PLCH2: variants seen among roughly 807,000 people sequenced by gnomAD.
PLCH2 encodes 1-phosphatidylinositol 4,5-bisphosphate phosphodiesterase eta-2.
PLCH2 carries 98 observed loss-of-function variants against 134.7 expected under a neutral mutation model. That is an observed-to-expected ratio of 0.73 (90% CI 0.62 to 0.86). The LOEUF (loss-of-function observed/expected upper bound fraction) is 0.86, where lower values mean the gene tolerates loss of function less well. PLCH2 is among the 40% of genes least tolerant of loss of function. The pLI, the probability that PLCH2 is intolerant of heterozygous loss-of-function variation, is 0.00. For missense variants in PLCH2, 1,994 were observed against 1,986.6 expected (o/e 1.00, Z -0.07); for synonymous variants, 974 against 827.5 (o/e 1.18, Z -3.04).
At position 2,479,914 on chromosome 1, in the gene PLCH2, G is replaced by A. The variant is rs369208976; in HGVS notation, c.452G>A (p.Arg151His). The A allele has an allele frequency of 5.0e-5, 80 of 1,611,074 alleles. No individual in the cohort carries two copies. Among genetic ancestry groups the A allele is most frequent in the Admixed American group, 2.3e-4 (14 of 59,982 alleles). ...GCGCGCACCTGGGTCACTGGCCTGC[G>A]CTACCTCATGGCCGGCATCAGCGAC... ...EVARTWVTGLRYLMAGISDED... is the reference protein window; with the variant it reads ...EVARTWVTGLHYLMAGISDED... Residue 151 changes from arginine to histidine, a missense_variant, in exon 3 of 22, where the codon CGC becomes CAC. Around this residue, in one of 2 missense-constraint regions of PLCH2, gnomAD observed 1,094 missense variants for 1,234.3 expected, o/e 0.89. Transcript: ENST00000378486.
At chr1:2,422,602 A>T (rs1429924451), upstream of PLCH2, among the ~76,000 whole-genome samples, 1 of 152,228 alleles carries the variant, frequency 6.6e-6, no homozygotes, top group Non-Finnish European at 1.5e-5. Flanking sequence ...AAACCGTGCC[A>T]ATGGACTTTT....
At position 2,498,556 on chromosome 1, in the gene PLCH2, C is replaced by T. The variant is rs1643021992; in HGVS notation, c.2258C>T (p.Pro753Leu). 1 of 1,607,262 alleles carries T rather than the reference C, an allele frequency of 6.2e-7. No homozygotes were observed. The highest frequency in any genetic ancestry group is 1.7e-5 in the Admixed American group (1 of 59,666). Residue 753 changes from proline to leucine, a missense_variant, in exon 17 of 22, where the codon CCC becomes CTC. Transcript: ENST00000378486. The surrounding 1 kb of genome is among the most constrained non-coding windows in gnomAD (Gnocchi z 5.4). ...AACCCCAACTCGGAGGACCCCCTGCCCGGGCAGCTCAAGAAGCAGCTGGTG... is the reference window on the plus strand; with the variant it reads ...AACCCCAACTCGGAGGACCCCCTGCTCGGGCAGCTCAAGAAGCAGCTGGTG... ...VFNPNSEDPL[P>L]GQLKKQLVLR... is the part of the protein sequence containing the mutation.
chr1:2,436,060 C>A (rs1437476503), intron 2 of PLCH2, among the ~76,000 whole-genome samples: 2 of 122,768 alleles, frequency 1.6e-5, no homozygotes, highest in Non-Finnish European at 3.5e-5. Context: ...CTCCTTCCTC[C>A]CCTCCTCCCT....
intron 2 of PLCH2, among the ~76,000 whole-genome samples, chr1:2,455,898 G>T (rs377376124): frequency 4.6e-5 from 7 of 152,358 alleles, no homozygotes; most frequent in African/African-American, 1.7e-4. Context: ...CCCGCGGGCG[G>T]GCTGTGTGCG....
rs71511348 is a variant in PLCH2, at chr1:2,459,610, C to T, written c.116-18866C>T. On this transcript the variant is annotated intron_variant, in intron 2 of 3. Coordinates refer to the PLCH2 transcript ENST00000609981. ...CCGGTGGTCTTCCTTTCCGGTGGTCCTCCTTGCCTGTGGTCCTCCTTGCCT... is the reference window on the plus strand; with the variant it reads ...CCGGTGGTCTTCCTTTCCGGTGGTCTTCCTTGCCTGTGGTCCTCCTTGCCT... Among the ~76,000 whole-genome samples the T allele has an allele frequency of 7.1e-4, 75 of 105,220 alleles. 3 individuals carry two copies. Among genetic ancestry groups the T allele is most frequent in the East Asian group, 1.6e-3 (4 of 2,434 alleles). 69.0% of individuals were successfully genotyped at this position (105,220 alleles called of 152,430 possible).
chr1:2,476,309 T>G lies in PLCH2; in HGVS notation c.-280T>G, dbSNP rs1641613566. 1 of 356,262 alleles carries G rather than the reference T, an allele frequency of 2.8e-6. No homozygotes were observed. Among genetic ancestry groups the G allele is most frequent in the Non-Finnish European group, 5.0e-6 (1 of 198,436 alleles). 22.1% of individuals were successfully genotyped at this position (356,262 alleles called of 1,614,324 possible). A position where few individuals can be genotyped will look rare whatever the true frequency, so the allele number is the denominator to read the frequency against. On this transcript the variant is annotated 5_prime_UTR_variant, in exon 1 of 22. Transcript: ENST00000378486. ...CTGAGGTCCTTTGCTCCCCCAGCCT[T>G]GGGAGGCGGCTGCGTCAGGGATTCC...
rs575510996 is a variant in PLCH2, at chr1:2,461,441, G to A, written c.116-17035G>A. Among the ~76,000 whole-genome samples, 31 of 152,290 alleles carry A rather than the reference G, an allele frequency of 2.0e-4. 1 individual carries two copies. The East Asian group carries it at 5.0e-3, about 25-fold the overall frequency. ...GCTGCTAGCAGGGCGGGCTGAGCTC[G>A]GTCCATGTGGGACCTGGCCCCTGGG... is the stretch of plus-strand genomic sequence containing the variant. On this transcript the variant is annotated intron_variant, in intron 2 of 3. Transcript: ENST00000609981.
At position 2,454,072 on chromosome 1, in the gene PLCH2, C is replaced by T. The variant is rs1369594538; in HGVS notation, c.115+23443C>T. Among the ~76,000 whole-genome samples, 7 of 152,340 alleles carry T rather than the reference C, an allele frequency of 4.6e-5. No individual in the cohort carries two copies. In the East Asian group the frequency reaches 9.6e-4, roughly 21 times the overall value. On this transcript the variant is annotated intron_variant, in intron 2 of 3. Coordinates refer to the PLCH2 transcript ENST00000609981. ...CCACCCCCACCCCGAGTCTGTCACC[C>T]ACCTATGGGTGCCCACTGTGGGCAT... is the stretch of plus-strand genomic sequence containing the variant.
At chr1:2,495,062 C>T in intron 12 of PLCH2, 114 bp downstream of exon 12, 1 of 736,494 alleles carries the variant, frequency 1.4e-6, no homozygotes, top group Non-Finnish European at 2.2e-6. Flanking sequence ...CTCCCAGTGC[C>T]CCAGTGGGCC....
At position 2,448,295 on chromosome 1, in the gene PLCH2, G is replaced by T. The variant is rs1477291562; in HGVS notation, c.115+17666G>T. On this transcript the variant is annotated intron_variant, in intron 2 of 3. Coordinates refer to the PLCH2 transcript ENST00000609981. The surrounding 1 kb of genome is among the most constrained non-coding windows in gnomAD (Gnocchi z 4.0). ...CTGGAGGCTGGAAGTCTGAGGTCAG[G>T]GTGTGGGTGGGGCCGCGCTCCCTCT... 4.6e-5 allele frequency among the ~76,000 whole-genome samples: 7 copies of T among 152,162 alleles called. No individual in the cohort carries two copies. Among genetic ancestry groups the T allele is most frequent in the Non-Finnish European group, 1.5e-5 (1 of 68,024 alleles).
the PLCH2 span, among the ~76,000 whole-genome samples, chr1:2,416,899 C>T: frequency 6.6e-6 from 1 of 152,112 alleles, no homozygotes; most frequent in Admixed American, 6.5e-5. Flanking sequence ...CCTGGCAGAA[C>T]TGTGGGTCTG....
At chr1:2,474,901 C>A (rs899739667), upstream of PLCH2, among the ~76,000 whole-genome samples, 1 of 152,178 alleles carries the variant, frequency 6.6e-6, no homozygotes, top group Non-Finnish European at 1.5e-5. Flanking sequence ...CTGCCCCTTA[C>A]ACGGTGGCCT....
chr1:2,464,955 G>A (rs910952047), upstream of PLCH2, among the ~76,000 whole-genome samples: 16 of 152,204 alleles, frequency 1.1e-4, no homozygotes, highest in Non-Finnish European at 1.5e-4. Context: ...GGCTCAGCAG[G>A]CCCTGAGGCT....
Position 2,504,136 on chromosome 1 carries a change from G to T in PLCH2, c.3174G>T (p.Pro1058=). The T allele has an allele frequency of 6.6e-7, 1 of 1,520,446 alleles. No individual in the cohort carries two copies. The highest frequency in any genetic ancestry group is 8.8e-7 in the Non-Finnish European group (1 of 1,135,378). The allele number at this position is 1,520,446 out of a possible 1,614,324, so 94.2% of individuals were successfully genotyped here. ...TEEPRDSRPR[P]CNGEGAGGAY... ...AGCCCCGAGACAGCAGGCCTCGGCC[G>T]TGCAACGGCGAGGGCGCCGGCGGGG... is the stretch of plus-strand genomic sequence containing the variant. Residue 1058 remains proline, a synonymous_variant, in exon 22 of 22, where the codon CCG becomes CCT. Coordinates refer to ENST00000378486, the MANE Select transcript of PLCH2 (RefSeq NM_014638.4).
At position 2,476,930 on chromosome 1, in the gene PLCH2, C is replaced by T. The variant is rs1340702120; in HGVS notation, c.124+218C>T. On this transcript the variant is annotated intron_variant, in intron 1 of 21. Coordinates refer to ENST00000378486, the MANE Select transcript of PLCH2 (RefSeq NM_014638.4). ...AGAGGCGTGCTCAGCACACCTCGGT[C>T]TCCCAGGCACCTGCAGGGCCTGGGG... Among the ~76,000 whole-genome samples the T allele has an allele frequency of 2.6e-5, 4 of 152,278 alleles. No homozygotes were observed. In the East Asian group the frequency reaches 7.7e-4, roughly 29 times the overall value.
chr1:2,421,575 A>G (rs1021449261), upstream of PLCH2, among the ~76,000 whole-genome samples: 7 of 152,148 alleles, frequency 4.6e-5, no homozygotes, highest in South Asian at 2.1e-4. Flanking sequence ...GATACTGTCC[A>G]TCTCTTCCCC....
chr1:2,489,909 A>T, intron 10 of PLCH2, 42 bp downstream of exon 10: 2 of 1,371,702 alleles, frequency 1.5e-6, no homozygotes, highest in Non-Finnish European at 2.1e-6. Context: ...TGGAGCCTGC[A>T]GTTCCCAAGA....
the PLCH2 span, among the ~76,000 whole-genome samples, chr1:2,417,925 G>C: frequency 6.6e-6 from 1 of 152,218 alleles, no homozygotes; most frequent in African/African-American, 2.4e-5. Flanking sequence ...AGAGGACTCA[G>C]GATGGCACAT....
intron 1 of PLCH2, among the ~76,000 whole-genome samples, chr1:2,468,151 C>A (rs547912340): frequency 1.2e-4 from 18 of 152,312 alleles, no homozygotes; most frequent in African/African-American, 4.3e-4. Context: ...CCAACCCCAC[C>A]CCAGCCCCTG....
Sources: gnomAD v4.1 joint callset for allele counts (sites outside exome capture counted in the v4.1 genomes callset) on GRCh38, gnomAD v4.1.1 for gene constraint, gnomAD v4.1.1 regional missense constraint, Gnocchi (gnomAD v3.1) non-coding constraint, MANE v1.5 for transcripts, NCBI Gene and HGNC (gene_info 2026-07-23, HGNC 2026-07-21) for gene names.